NUAK1: variants seen among roughly 807,000 people sequenced by gnomAD.
NUAK1 encodes the protein NUAK family SNF1-like kinase 1.
Under a neutral mutation model 56.9 loss-of-function variants are expected in NUAK1, and 26 were observed. The observed-to-expected ratio is 0.46, with a 90% CI of 0.33 to 0.63. The LOEUF is 0.63. Among genes scored for constraint, NUAK1 ranks in the 30% least tolerant of loss-of-function variants. The pLI is 0.02. For missense variants in NUAK1, 727 were observed against 876.1 expected, an observed-to-expected ratio of 0.83 and a Z score of 2.15; for synonymous variants, 337 against 336.0, an observed-to-expected ratio of 1.00 and a Z score of -0.03.
chr12:106,075,663 G>A (rs570616204), intron 4 of NUAK1, among the ~76,000 whole-genome samples: 1 of 152,310 alleles, frequency 6.6e-6, no homozygotes, highest in East Asian at 1.9e-4. Context: ...CCCAATGCCA[G>A]GGACTCTTGA....
intron 4 of NUAK1, among the ~76,000 whole-genome samples, chr12:106,080,985 G>A (rs1312168047): frequency 6.6e-6 from 1 of 152,252 alleles, no homozygotes; most frequent in Non-Finnish European, 1.5e-5. Flanking sequence ...GAGTCAGGAA[G>A]AGTTGAGAAT....
At chr12:106,071,617 A>G (rs1259392824) in intron 5 of NUAK1, among the ~76,000 whole-genome samples, 2 of 152,124 alleles carry the variant, frequency 1.3e-5, no homozygotes, top group African/African-American at 4.8e-5. Context: ...TGTTTGTTCA[A>G]TTTTTTTAAT....
intron 1 of NUAK1, among the ~76,000 whole-genome samples, chr12:106,128,516 G>T (rs1322575065): frequency 1.3e-5 from 2 of 152,142 alleles, no homozygotes; most frequent in Admixed American, 1.3e-4. Flanking sequence ...CTGGCAGTTG[G>T]GGTGAACCAC....
chr12:106,131,452 G>GTA (rs1285663118), intron 1 of NUAK1, among the ~76,000 whole-genome samples: 1 of 152,160 alleles, frequency 6.6e-6, no homozygotes, highest in Non-Finnish European at 1.5e-5. Flanking sequence ...GTGGTCTTTT[G>GTA]TGTCTGGCTT....
Position 106,092,017 on chromosome 12 carries a change from G to A in NUAK1, c.362-5132C>T, listed in dbSNP as rs111502221. On this transcript the variant is annotated intron_variant, in intron 2 of 6. Coordinates refer to ENST00000261402, the MANE Select transcript of NUAK1 (RefSeq NM_014840.3). ...TTGAGACCAACCTGGTCAACATAGC[G>A]AGACCTCATCTCTAAAACAAAAAAT... Among the ~76,000 whole-genome samples, 640 of 151,926 alleles carry A rather than the reference G, an allele frequency of 4.2e-3. 4 individuals carry two copies. The highest frequency in any genetic ancestry group is 7.5e-3 in the Non-Finnish European group (512 of 67,980).
chr12:106,133,519 A>C (rs2033099783), intron 1 of NUAK1, among the ~76,000 whole-genome samples: 1 of 152,026 alleles, frequency 6.6e-6, no homozygotes, highest in Non-Finnish European at 1.5e-5. Flanking sequence ...AACAAACACC[A>C]TCCAGCTGTC....
rs2032802586 is a variant in NUAK1, at chr12:106,106,481, T to G, written c.285A>C (p.Gln95His). 36 of 1,613,226 alleles carry G rather than the reference T, an allele frequency of 2.2e-5. No homozygotes were observed. Among genetic ancestry groups the G allele is most frequent in the Non-Finnish European group, 3.1e-5 (36 of 1,179,460 alleles). The part of the protein sequence containing the change: ...SIRKDKIKDE[Q>H]DMVHIRREIE... ...TCTCTCGTCTGATGTGAACCATGTC[T>G]TGTTCATCCTTAATTTTGTCCTTAC... The change falls in exon 2 of 7, where the codon CAA (glutamine) becomes CAC (histidine). Residue 95 changes from glutamine to histidine, a missense_variant. Coordinates refer to ENST00000261402, the MANE Select transcript of NUAK1 (RefSeq NM_014840.3).
chr12:106,078,654 C>T (rs2032486356), intron 4 of NUAK1, among the ~76,000 whole-genome samples: 1 of 152,222 alleles, frequency 6.6e-6, no homozygotes, highest in South Asian at 2.1e-4. Context: ...GAACAAGGAG[C>T]AGAAGTGAGT....
intron 6 of NUAK1, among the ~76,000 whole-genome samples, chr12:106,070,079 G>A (rs1004133521): frequency 1.3e-5 from 2 of 152,070 alleles, no homozygotes; most frequent in East Asian, 1.9e-4. Context: ...AAGAAAGCTC[G>A]GCAACTTTTT....
rs192378903 is a variant in NUAK1, at chr12:106,097,771, C to T, written c.361+8634G>A. ...CAAATTTGGGTGTACATCAGAGACACGTGGAGGGCTAATGATTACTCTGGG... is the reference window on the plus strand; with the variant it reads ...CAAATTTGGGTGTACATCAGAGACATGTGGAGGGCTAATGATTACTCTGGG... On this transcript the variant is annotated intron_variant, in intron 2 of 6. Coordinates refer to ENST00000261402, the MANE Select transcript of NUAK1 (RefSeq NM_014840.3). 2.6e-5 allele frequency among the ~76,000 whole-genome samples: 4 copies of T among 152,262 alleles called. No homozygotes were observed. The East Asian group carries it at 7.7e-4, about 29-fold the overall frequency.
intron 1 of NUAK1, among the ~76,000 whole-genome samples, chr12:106,135,995 T>G (rs1158225875): frequency 2.0e-5 from 3 of 152,184 alleles, no homozygotes; most frequent in Non-Finnish European, 4.4e-5. Flanking sequence ...TCACTAAAGT[T>G]CTTAACACCA....
At chr12:106,114,938 T>G (rs893428936) in intron 1 of NUAK1, among the ~76,000 whole-genome samples, 8 of 152,236 alleles carry the variant, frequency 5.3e-5, no homozygotes, top group Non-Finnish European at 7.3e-5. Context: ...CTCCATCTAA[T>G]GTCTGTCCTC....
rs761217171 is a variant in NUAK1 at position 106,065,224 on chromosome 12, T to C, written c.*1578A>G. On this transcript the variant is annotated 3_prime_UTR_variant, in exon 7 of 7. Transcript: ENST00000261402. ...ACCAGGAAGTACAAACCTAGTATCA[T>C]GAAGGTGTCCCATGGTTGGAGTGGC... is the stretch of plus-strand genomic sequence containing the variant. The C allele has an allele frequency of 1.3e-5, 2 of 152,256 alleles. No individual in the cohort carries two copies. The highest frequency in any genetic ancestry group is 2.9e-5 in the Non-Finnish European group (2 of 68,056). The allele number at this position is 152,256 out of a possible 1,614,324, so 9.4% of individuals were successfully genotyped here.
At chr12:106,085,800 G>A (rs1366841628) in intron 3 of NUAK1, among the ~76,000 whole-genome samples, 2 of 152,152 alleles carry the variant, frequency 1.3e-5, no homozygotes, top group Non-Finnish European at 2.9e-5. Flanking sequence ...CCAAACTGCT[G>A]TGCTCAAGGG....
intron 1 of NUAK1, among the ~76,000 whole-genome samples, chr12:106,130,375 C>T (rs2033065250): frequency 6.6e-6 from 1 of 152,214 alleles, no homozygotes; most frequent in African/African-American, 2.4e-5. Flanking sequence ...CTAGGTATCT[C>T]AATGGCAGGA....
chr12:106,112,251 C>CA (rs1278600326), intron 1 of NUAK1, among the ~76,000 whole-genome samples: 22 of 152,204 alleles, frequency 1.4e-4, no homozygotes, highest in Non-Finnish European at 2.9e-5. Flanking sequence ...ATCTCATACC[C>CA]AGGCACGTTC....
intron 1 of NUAK1, among the ~76,000 whole-genome samples, chr12:106,126,377 A>G (rs758894072): frequency 6.6e-6 from 1 of 152,164 alleles, no homozygotes; most frequent in South Asian, 2.1e-4. Context: ...AATGACAGAG[A>G]TATTTCTACT....
chr12:106,069,007 C>A (rs2032375594), intron 6 of NUAK1, among the ~76,000 whole-genome samples: 1 of 152,158 alleles, frequency 6.6e-6, no homozygotes, highest in African/African-American at 2.4e-5. Flanking sequence ...CAAAGAAGAC[C>A]ACTTTAGAGG....
chr12:106,126,112 A>G (rs190392077), intron 1 of NUAK1, among the ~76,000 whole-genome samples: 2 of 152,372 alleles, frequency 1.3e-5, no homozygotes, highest in African/African-American at 2.4e-5. Flanking sequence ...GAGATTAAAG[A>G]AGAAAAATAA....
Sources: gnomAD v4.1 joint callset for allele counts (sites outside exome capture counted in the v4.1 genomes callset) on GRCh38, gnomAD v4.1.1 for gene constraint, MANE v1.5 for transcripts, NCBI Gene and HGNC (gene_info 2026-07-23, HGNC 2026-07-21) for gene names.